Variants in UBE3C observed in about 807,000 individuals in gnomAD.
UBE3C encodes ubiquitin protein ligase E3C, also known as ubiquitin-protein ligase E3C.
In UBE3C, 42 loss-of-function variants were observed where a neutral mutation model predicts 129.4. That is an observed-to-expected ratio of 0.32 (90% CI 0.25 to 0.42). The LOEUF (loss-of-function observed/expected upper bound fraction) is 0.42. UBE3C is among the 10% of genes least tolerant of loss of function. UBE3C has a pLI of 1.00. For synonymous variants in UBE3C, 510 were observed against 492.4 expected, an observed-to-expected ratio of 1.04 and a Z score of -0.47; for missense variants, 1,049 against 1,319.1, an observed-to-expected ratio of 0.80 and a Z score of 3.17.
At chr7:157,171,864 G>A (rs1252702339) in intron 4 of UBE3C, among the ~76,000 whole-genome samples, 7 of 148,750 alleles carry the variant, frequency 4.7e-5, no homozygotes, top group Admixed American at 4.0e-4. Context: ...GTACCACCAC[G>A]CCCAGCTAAT....
intron 1 of UBE3C, among the ~76,000 whole-genome samples, chr7:157,156,070 A>G (rs1321717233): frequency 1.3e-5 from 2 of 152,100 alleles, no homozygotes; most frequent in African/African-American, 2.4e-5. Flanking sequence ...TTCAAAATCA[A>G]ACTGCTTTCT....
intron 3 of UBE3C, among the ~76,000 whole-genome samples, chr7:157,169,677 G>GT (rs1016834848): frequency 6.6e-6 from 1 of 151,384 alleles, no homozygotes; most frequent in African/African-American, 2.4e-5. Flanking sequence ...CGCCTGGCCT[G>GT]TTTTTGTTTT....
At chr7:157,212,360 G>A (rs192685161) in intron 13 of UBE3C, among the ~76,000 whole-genome samples, 5 of 152,242 alleles carry the variant, frequency 3.3e-5, no homozygotes, top group African/African-American at 4.8e-5. Context: ...TTTTTTGGTT[G>A]CAATACTATA....
intron 9 of UBE3C, among the ~76,000 whole-genome samples, chr7:157,185,927 C>T (rs1808792711): frequency 6.6e-6 from 1 of 151,988 alleles, no homozygotes; most frequent in Non-Finnish European, 1.5e-5. Context: ...CCAGACAATA[C>T]AGTCAGCAAT....
chr7:157,223,371 T>G lies in UBE3C; in HGVS notation c.2100+20T>G. 2 of 1,595,850 alleles carry G rather than the reference T, an allele frequency of 1.3e-6. No individual in the cohort carries two copies. The highest frequency in any genetic ancestry group is 1.7e-6 in the Non-Finnish European group (2 of 1,168,774). ...GTAAAGGTATGCAATTTGGCTTCTT[T>G]ATTGTCACTACGTATCATATTAGTG... On this transcript the variant is annotated intron_variant, in intron 16 of 22. Coordinates refer to ENST00000348165, the MANE Select transcript of UBE3C (RefSeq NM_014671.3).
At position 157,187,001 on chromosome 7, in the gene UBE3C, C is replaced by A; in HGVS notation, c.1311C>A (p.Arg437=). 6 of 1,607,086 alleles carry A rather than the reference C, an allele frequency of 3.7e-6. No individual in the cohort carries two copies. The highest frequency in any genetic ancestry group is 4.2e-6 in the Non-Finnish European group (5 of 1,176,640). ...GCCACACGCTGATGGTGCAGCACCG[C>A]ATGATGGTACCCAAAGTCAGGCAAG... ...SVCHTLMVQH[R]MMVPKVRLLY... Residue 437 remains arginine (R), a synonymous_variant, in exon 10 of 23, where the codon CGC becomes CGA. Coordinates refer to ENST00000348165, the MANE Select transcript of UBE3C (RefSeq NM_014671.3).
rs978873331 is a variant in UBE3C, at chr7:157,157,118, G to T, written c.67-6692G>T. Among the ~76,000 whole-genome samples the T allele has an allele frequency of 2.0e-5, 3 of 152,146 alleles. No individual in the cohort carries two copies. In the East Asian group the frequency reaches 5.8e-4, roughly 29 times the overall value. On this transcript the variant is annotated intron_variant, in intron 1 of 22. Coordinates refer to ENST00000348165, the MANE Select transcript of UBE3C (RefSeq NM_014671.3). ...CAGCATGTGGCTCACACTAGTAAGT[G>T]TCAGCTTCTGAAAGTGAAATTTCAG... is the stretch of plus-strand genomic sequence containing the variant.
intron 19 of UBE3C, among the ~76,000 whole-genome samples, chr7:157,253,297 G>A (rs571394085): frequency 6.6e-6 from 1 of 152,194 alleles, no homozygotes; most frequent in Non-Finnish European, 1.5e-5. Context: ...TGTTTCCGCT[G>A]TGTTGCTTTT....
At chr7:157,160,591 T>C (rs907134318) in intron 1 of UBE3C, among the ~76,000 whole-genome samples, 1 of 152,200 alleles carries the variant, frequency 6.6e-6, no homozygotes, top group South Asian at 2.1e-4. Flanking sequence ...TATGCCGTTA[T>C]GTTTTATTAC....
At chr7:157,241,603 C>T (rs1463906705) in intron 18 of UBE3C, among the ~76,000 whole-genome samples, 2 of 152,178 alleles carry the variant, frequency 1.3e-5, no homozygotes, top group Non-Finnish European at 2.9e-5. Context: ...CATGCATTGC[C>T]AATGGGAAGA....
rs1025547779 is a variant in UBE3C at position 157,216,790 on chromosome 7, T to A, written c.1810-77T>A. 48 of 1,174,310 alleles carry A rather than the reference T, an allele frequency of 4.1e-5. 1 individual carries two copies. The highest frequency in any genetic ancestry group is 5.6e-5 in the Non-Finnish European group (45 of 799,322). The allele number at this position is 1,174,310 out of a possible 1,614,324, so 72.7% of individuals were successfully genotyped here. ...CTGCACCACCGCTGTGTGCTCCTCC[T>A]CGAGTGAATGTATGGCTCACTGTGC... On this transcript the variant is annotated intron_variant, in intron 13 of 22. Coordinates refer to ENST00000348165, the MANE Select transcript of UBE3C (RefSeq NM_014671.3).
At position 157,257,056 on chromosome 7, in the gene UBE3C, T is replaced by C. The variant is rs200469612; in HGVS notation, c.3081+12T>C. ...TCTTGGGGTTTAAGGTACACAACTT[T>C]CATGACATTTGCTTTAAAGACCACT... is the stretch of plus-strand genomic sequence containing the variant. On this transcript the variant is annotated intron_variant, in intron 22 of 22. Transcript: ENST00000348165. 6.2e-7 allele frequency: 1 copy of C among 1,613,808 alleles called. No homozygotes were observed. The highest frequency in any genetic ancestry group is 1.1e-5 in the South Asian group (1 of 91,002).
chr7:157,253,800 A>C (rs1293023624), intron 19 of UBE3C, among the ~76,000 whole-genome samples, 154 bp from the exon 20 acceptor site: 1 of 152,210 alleles, frequency 6.6e-6, no homozygotes, highest in African/African-American at 2.4e-5. Context: ...TGGCATCTGC[A>C]CAATGCTGTG....
chr7:157,155,151 T>C (rs563564575), intron 1 of UBE3C, among the ~76,000 whole-genome samples: 1 of 152,168 alleles, frequency 6.6e-6, no homozygotes, highest in Admixed American at 6.5e-5. Flanking sequence ...GAGATTCTTA[T>C]TTCATGTAGG....
At chr7:157,202,682 C>T (rs961315254) in intron 11 of UBE3C, among the ~76,000 whole-genome samples, 11 of 152,084 alleles carry the variant, frequency 7.2e-5, no homozygotes, top group African/African-American at 2.7e-4. Flanking sequence ...GAAGTCTATG[C>T]CAATCCCCCT....
intron 1 of UBE3C, among the ~76,000 whole-genome samples, chr7:157,142,749 A>C (rs1015581945): frequency 2.6e-5 from 4 of 151,562 alleles, no homozygotes; most frequent in African/African-American, 9.7e-5. Flanking sequence ...AACTGTGCTC[A>C]CTCCCCGGGT....
chr7:157,224,376 A>G (rs1308866705), intron 16 of UBE3C, among the ~76,000 whole-genome samples: 1 of 151,910 alleles, frequency 6.6e-6, no homozygotes, highest in Admixed American at 6.6e-5. Context: ...TTGTATTTTC[A>G]GTAGAGACGG....
intron 8 of UBE3C, among the ~76,000 whole-genome samples, chr7:157,182,621 G>A (rs947599206): frequency 5.2e-4 from 79 of 152,264 alleles, no homozygotes; most frequent in Admixed American, 5.9e-4. Context: ...CCCTCCCTCT[G>A]CTAAATTTCC....
At chr7:157,206,112 G>A (rs1025616801) in intron 11 of UBE3C, among the ~76,000 whole-genome samples, 1 of 151,642 alleles carries the variant, frequency 6.6e-6, no homozygotes, top group African/African-American at 2.4e-5. Context: ...GATTTGACTT[G>A]GTAGAGGGGA....
Sources: gnomAD v4.1 joint callset for allele counts (sites outside exome capture counted in the v4.1 genomes callset) on GRCh38, gnomAD v4.1.1 for gene constraint, MANE v1.5 for transcripts, NCBI Gene and HGNC (gene_info 2026-07-23, HGNC 2026-07-21) for gene names.